Variants in MAP2K6 observed in about 807,000 individuals in gnomAD.
MAP2K6 encodes the protein mitogen-activated protein kinase kinase 6.
In MAP2K6, 16 loss-of-function variants were observed where a neutral mutation model predicts 53.7. That is an observed-to-expected ratio of 0.30 (90% CI 0.20 to 0.45). The LOEUF is 0.45. Among genes scored for constraint, MAP2K6 ranks in the 20% least tolerant of loss-of-function variants. MAP2K6 has a pLI of 1.00. For synonymous variants in MAP2K6, 132 were observed against 143.1 expected (o/e 0.92, Z 0.55); for missense variants, 204 against 411.9 (o/e 0.50, Z 4.37).
chr17:69,501,455 G>A (rs576627947), intron 1 of MAP2K6, among the ~76,000 whole-genome samples: 5 of 152,258 alleles, frequency 3.3e-5, no homozygotes, highest in African/African-American at 7.2e-5. Flanking sequence ...CAAAGCTAGC[G>A]AACATTTCTG....
At chr17:69,419,041 TG>T (rs1222470453) in intron 1 of MAP2K6, among the ~76,000 whole-genome samples, 1 of 152,226 alleles carries the variant, frequency 6.6e-6, no homozygotes, top group Non-Finnish European at 1.5e-5. Context: ...CACTATATAT[TG>T]TATTTTGTAA....
chr17:69,521,296 A>C (rs1910453906), intron 7 of MAP2K6, 196 bp downstream of exon 7: 2 of 441,524 alleles, frequency 4.5e-6, no homozygotes, highest in Middle Eastern at 5.0e-4. Flanking sequence ...CATAAGAAGA[A>C]GACGTGATCT....
intron 2 of MAP2K6, among the ~76,000 whole-genome samples, chr17:69,514,787 C>T (rs1352034498): frequency 2.0e-5 from 3 of 152,132 alleles, no homozygotes; most frequent in Non-Finnish European, 4.4e-5. Context: ...GTTTCAAACT[C>T]CTGACCTCAG....
At chr17:69,486,173 C>A (rs8078890) in intron 1 of MAP2K6, among the ~76,000 whole-genome samples, 88,348 of 152,036 alleles carry the variant, frequency 0.58, 28,175 homozygotes, top group African/African-American at 0.87. Flanking sequence ...TGTTTTTCCA[C>A]GTTGTGGTAC....
At chr17:69,416,960 G>A (rs1391287591) in intron 1 of MAP2K6, among the ~76,000 whole-genome samples, 4 of 152,188 alleles carry the variant, frequency 2.6e-5, no homozygotes, top group Non-Finnish European at 5.9e-5. Flanking sequence ...GAAGCCAAAG[G>A]AGATATTAGC....
Position 69,552,057 on chromosome 17 carries a change from CACA to C in MAP2K6, c.*10311_*10313del, listed in dbSNP as rs1346444325. The C allele has an allele frequency of 2.5e-4, 38 of 152,270 alleles. No homozygotes were observed. Among genetic ancestry groups the C allele is most frequent in the Admixed American group, 1.6e-3 (25 of 15,294 alleles). The allele number at this position is 152,270 out of a possible 1,614,324, so 9.4% of individuals were successfully genotyped here. ...TATTAATATGGACTTTGTAAGGAAA[CACA>C]ACAACACGTTTTCTTACCTTCTGTA... On this transcript the variant is annotated 3_prime_UTR_variant, in exon 12 of 12. Transcript: ENST00000590474.
At chr17:69,469,827 A>C (rs922378098) in intron 1 of MAP2K6, among the ~76,000 whole-genome samples, 4 of 152,110 alleles carry the variant, frequency 2.6e-5, no homozygotes, top group Admixed American at 2.0e-4. Context: ...CCTTGACAAG[A>C]GCTTTTTTGG....
intron 1 of MAP2K6, among the ~76,000 whole-genome samples, chr17:69,472,090 A>G (rs1908000105): frequency 6.6e-6 from 1 of 152,100 alleles, no homozygotes; most frequent in African/African-American, 2.4e-5. Context: ...AGTCCTGTAA[A>G]GCTGAGTGAC....
intron 1 of MAP2K6, among the ~76,000 whole-genome samples, chr17:69,431,464 G>A (rs116491726): frequency 3.7e-4 from 57 of 152,244 alleles, no homozygotes; most frequent in African/African-American, 1.2e-3. Flanking sequence ...ATGGAAAGAT[G>A]CCTGTGACCC....
At chr17:69,503,727 AT>A (rs1221735279) in intron 1 of MAP2K6, among the ~76,000 whole-genome samples, 3 of 152,222 alleles carry the variant, frequency 2.0e-5, no homozygotes, top group Admixed American at 6.5e-5. Context: ...TTTAAAAAAA[AT>A]GAGACAGTAC....
intron 4 of MAP2K6, among the ~76,000 whole-genome samples, chr17:69,517,961 C>T (rs558527162): frequency 5.3e-5 from 8 of 152,214 alleles, no homozygotes; most frequent in Admixed American, 2.0e-4. Flanking sequence ...GAGGCCAAGG[C>T]GGGTGGATCA....
intron 1 of MAP2K6, among the ~76,000 whole-genome samples, chr17:69,487,703 T>C (rs1471431594): frequency 1.3e-5 from 2 of 152,212 alleles, no homozygotes; most frequent in Non-Finnish European, 2.9e-5. Context: ...AGGGTCTTGT[T>C]GTGTTGTTTT....
At position 69,514,183 on chromosome 17, in the gene MAP2K6, A is replaced by G. The variant is rs573896019; in HGVS notation, c.84-2672A>G. ...TTGTTTATATTAGTCACATGTTTCA[A>G]GTCATATTTGCCTTTATTTCAAAGT... On this transcript the variant is annotated intron_variant, in intron 2 of 11. Transcript: ENST00000590474. Among the ~76,000 whole-genome samples the G allele has an allele frequency of 1.1e-4, 17 of 152,336 alleles. No homozygotes were observed. The East Asian group carries it at 3.3e-3, about 29-fold the overall frequency.
intron 7 of MAP2K6, 143 bp downstream of exon 7, chr17:69,521,243 G>A: frequency 1.6e-6 from 1 of 617,562 alleles, no homozygotes; most frequent in Non-Finnish European, 2.9e-6. Flanking sequence ...TTTGAGATTG[G>A]ATAGCAAACC....
chr17:69,525,001 A>T, intron 9 of MAP2K6, 23 bp downstream of exon 9: 1 of 1,592,588 alleles, frequency 6.3e-7, no homozygotes, highest in Non-Finnish European at 8.6e-7. Flanking sequence ...AATCATCATG[A>T]ACTATGAGGT....
chr17:69,539,755 G>T (rs1445498952), intron 11 of MAP2K6, among the ~76,000 whole-genome samples: 1 of 152,166 alleles, frequency 6.6e-6, no homozygotes, highest in Non-Finnish European at 1.5e-5. Context: ...ATAATCTGAG[G>T]TTTGGCATGT....
At chr17:69,504,967 G>A (rs530655443) in intron 1 of MAP2K6, among the ~76,000 whole-genome samples, 6 of 152,058 alleles carry the variant, frequency 3.9e-5, no homozygotes, top group African/African-American at 1.4e-4. Context: ...GCAGAACAGT[G>A]GAAAAGCATT....
intron 1 of MAP2K6, chr17:69,502,831 T>G: frequency 2.3e-6 from 1 of 438,296 alleles, no homozygotes; most frequent in Non-Finnish European, 3.0e-6. Flanking sequence ...GCTAAAAACT[T>G]TCTCTCTTTT....
chr17:69,454,088 A>T (rs567593338), intron 1 of MAP2K6, among the ~76,000 whole-genome samples: 1 of 152,324 alleles, frequency 6.6e-6, no homozygotes, highest in East Asian at 1.9e-4. Flanking sequence ...AGAAAAACGT[A>T]TTTCCTAGTG....
Sources: allele counts gnomAD v4.1 joint callset (sites outside exome capture counted in the v4.1 genomes callset), GRCh38; gene constraint gnomAD v4.1.1; transcripts MANE v1.5; gene names NCBI Gene and HGNC (gene_info 2026-07-23, HGNC 2026-07-21).